Variants in MYO10 observed in about 807,000 individuals in gnomAD.
MYO10 encodes the protein myosin X.
In MYO10, 133 loss-of-function variants were observed where a neutral mutation model predicts 257.3. The observed-to-expected ratio is 0.52, with a 90% CI of 0.45 to 0.60. The LOEUF (loss-of-function observed/expected upper bound fraction) is 0.60, where lower values mean the gene tolerates loss of function less well. Among genes scored for constraint, MYO10 ranks in the 20% least tolerant of loss-of-function variants. The pLI, the probability that MYO10 is intolerant of heterozygous loss-of-function variation, is 0.00. For synonymous variants in MYO10, 1,104 were observed against 1,028.6 expected (o/e 1.07, Z -1.40); for missense variants, 2,399 against 2,635.7 (o/e 0.91, Z 1.97).
chr5:16,722,963 TAAAAC>T (rs1282361069), intron 19 of MYO10, among the ~76,000 whole-genome samples: 6 of 152,248 alleles, frequency 3.9e-5, no homozygotes, highest in Admixed American at 3.3e-4. Context: ...AAAGAACACT[TAAAAC>T]TAAACAATAT....
chr5:16,713,285 T>A (rs975647915), intron 19 of MYO10: 2 of 981,514 alleles, frequency 2.0e-6, no homozygotes, highest in Non-Finnish European at 2.4e-6. Context: ...CTAAAGATAT[T>A]ACACCAAAAG....
At position 16,710,925 on chromosome 5, in the gene MYO10, G is replaced by A; in HGVS notation, c.2152C>T (p.Gln718Ter). 6.2e-7 allele frequency: 1 copy of A among 1,613,586 alleles called. No homozygotes were observed. Among genetic ancestry groups the A allele is most frequent in the Non-Finnish European group, 8.5e-7 (1 of 1,179,804 alleles). Residue 718 changes from glutamine to a stop codon, truncating the protein, a stop_gained, in exon 21 of 41, where the codon CAG becomes TAG. Transcript: ENST00000513610. LOFTEE classifies it high-confidence loss of function. ...CATCGTACCTTGGTCTTCCCCAGCT[G>A]CCACTCGCTGTTGGAGGCATCATAG... is the stretch of plus-strand genomic sequence containing the variant. ...QLYDASNSEW[Q>*]LGKTKVFLRE...
chr5:16,725,145 G>A (rs535855806), intron 19 of MYO10, among the ~76,000 whole-genome samples: 20 of 138,938 alleles, frequency 1.4e-4, no homozygotes, highest in East Asian at 6.3e-4. Context: ...GGAGTGCAGC[G>A]GCATGATCTC....
chr5:16,722,852 C>A (rs1266617830), intron 19 of MYO10, among the ~76,000 whole-genome samples: 2 of 152,120 alleles, frequency 1.3e-5, no homozygotes, highest in Admixed American at 6.6e-5. Context: ...AAATTAAAAA[C>A]CTTCTTCCGA....
chr5:16,726,576 C>T (rs1325825959), intron 19 of MYO10, among the ~76,000 whole-genome samples: 1 of 152,140 alleles, frequency 6.6e-6, no homozygotes. Flanking sequence ...TCGTGACAGC[C>T]AAGCCAGCAC....
At chr5:16,869,602 C>A (rs1042083849) in intron 2 of MYO10, among the ~76,000 whole-genome samples, 1 of 151,928 alleles carries the variant, frequency 6.6e-6, no homozygotes, top group East Asian at 2.0e-4. Flanking sequence ...TGGTAGTTCA[C>A]GCCTGTAATC....
At chr5:16,766,269 A>C in intron 10 of MYO10, 71 bp from the exon 11 acceptor site, 1 of 1,094,360 alleles carries the variant, frequency 9.1e-7, no homozygotes, top group Non-Finnish European at 1.4e-6. Context: ...GCGATACCTT[A>C]ACGCAGAGAA....
At chr5:16,874,849 T>A (rs1378131040) in intron 2 of MYO10, among the ~76,000 whole-genome samples, 1 of 152,178 alleles carries the variant, frequency 6.6e-6, no homozygotes, top group Non-Finnish European at 1.5e-5. Flanking sequence ...ACCAATTTAC[T>A]GTATTAGTCC....
In MYO10 at chr5:16,818,375, TGTGTGC is replaced by T. The variant is rs1468005043; in HGVS notation, c.121-214_121-209del. 1.7e-3 allele frequency among the ~76,000 whole-genome samples: 109 copies of T among 63,408 alleles called. No homozygotes were observed. The East Asian group carries it at 0.018, about 10-fold the overall frequency. 41.6% of individuals were successfully genotyped at this position (63,408 alleles called of 152,430 possible). On this transcript the variant is annotated intron_variant, in intron 2 of 40. Transcript: ENST00000513610. ...GTGTGTGTATGTATGTGTGTGTGTGTGTGTGCGTGTGTGTGTGTGTGTGTGTGTGTG... is the reference window on the plus strand; with the variant it reads ...GTGTGTGTATGTATGTGTGTGTGTGTGTGTGTGTGTGTGTGTGTGTGTGTG...
intron 1 of MYO10, among the ~76,000 whole-genome samples, chr5:16,930,515 C>T (rs1746263861): frequency 6.6e-6 from 1 of 152,182 alleles, no homozygotes. Context: ...AAATGCAACG[C>T]ACCACAGGAA....
At chr5:16,759,287 T>C (rs1223475724) in intron 17 of MYO10, among the ~76,000 whole-genome samples, 1 of 152,064 alleles carries the variant, frequency 6.6e-6, no homozygotes, top group East Asian at 1.9e-4. Flanking sequence ...GCTGGTGGGG[T>C]TGGTGGCTTC....
intron 29 of MYO10, among the ~76,000 whole-genome samples, chr5:16,684,353 G>A (rs1276419409): frequency 6.6e-6 from 1 of 152,018 alleles, no homozygotes; most frequent in African/African-American, 2.4e-5. Flanking sequence ...AGTGATTCTC[G>A]TGCCTCAGCC....
At chr5:16,687,108 G>T (rs1314815971) in intron 28 of MYO10, among the ~76,000 whole-genome samples, 1 of 151,732 alleles carries the variant, frequency 6.6e-6, no homozygotes, top group Admixed American at 6.6e-5. Flanking sequence ...GATGGCTTGA[G>T]CCCAGGAATT....
chr5:16,727,544 A>C (rs904489442), intron 19 of MYO10, among the ~76,000 whole-genome samples: 9 of 152,244 alleles, frequency 5.9e-5, no homozygotes, highest in Non-Finnish European at 1.3e-4. Context: ...CACGAGGCTA[A>C]TGACTCTGAA....
intron 2 of MYO10, among the ~76,000 whole-genome samples, chr5:16,826,877 T>G (rs2625196): frequency 0.044 from 6,632 of 152,220 alleles, 475 homozygotes; most frequent in African/African-American, 0.15. Flanking sequence ...TGGCTGAAAT[T>G]AGCAATCATG....
At chr5:16,723,554 G>A (rs1739239537) in intron 19 of MYO10, among the ~76,000 whole-genome samples, 1 of 152,256 alleles carries the variant, frequency 6.6e-6, no homozygotes, top group Non-Finnish European at 1.5e-5. Flanking sequence ...CAATTTGGAA[G>A]ACAGTTTCTT....
At chr5:16,890,719 A>C (rs991689140) in intron 1 of MYO10, among the ~76,000 whole-genome samples, 1 of 151,736 alleles carries the variant, frequency 6.6e-6, no homozygotes, top group Non-Finnish European at 1.5e-5. Flanking sequence ...ACATGCCTGT[A>C]ACCCCAGCTA....
intron 2 of MYO10, among the ~76,000 whole-genome samples, chr5:16,859,078 C>G (rs1181171928): frequency 6.6e-6 from 1 of 152,214 alleles, no homozygotes; most frequent in Non-Finnish European, 1.5e-5. Context: ...ATCCAGCCCA[C>G]AGTGGGGTCT....
chr5:16,890,533 T>C (rs1745020630), intron 1 of MYO10, among the ~76,000 whole-genome samples: 1 of 151,750 alleles, frequency 6.6e-6, no homozygotes. Context: ...GGTCTATTCA[T>C]ACAATGGAAT....
Sources: allele counts gnomAD v4.1 joint callset (sites outside exome capture counted in the v4.1 genomes callset), GRCh38; gene constraint gnomAD v4.1.1; transcripts MANE v1.5; gene names NCBI Gene and HGNC (gene_info 2026-07-23, HGNC 2026-07-21).